The following ZEB1 variants were observed in gnomAD, a reference collection of about 807,000 sequenced individuals.
ZEB1 encodes the protein zinc finger E-box-binding homeobox 1.
Under a neutral mutation model 84.9 loss-of-function variants are expected in ZEB1, and 21 were observed. The ratio of observed to expected loss-of-function variants is 0.25; its 90% confidence interval spans 0.18 to 0.36. The LOEUF (loss-of-function observed/expected upper bound fraction) is 0.36, where lower values mean the gene tolerates loss of function less well. ZEB1 is among the 10% of genes least tolerant of loss of function. The pLI, the probability that ZEB1 is intolerant of heterozygous loss-of-function variation, is 1.00. For synonymous variants in ZEB1, 420 were observed against 471.1 expected (o/e 0.89, Z 1.41); for missense variants, 1,104 against 1,330.2 (o/e 0.83, Z 2.65).
At chr10:31,382,006 C>CAAAAAAAAAAAAAA (rs535534850) in intron 1 of ZEB1, among the ~76,000 whole-genome samples, 2 of 40,786 alleles carry the variant, frequency 4.9e-5, no homozygotes, top group African/African-American at 9.0e-5. Flanking sequence ...GAGACTGTCT[C>CAAAAAAAAAAAAAA]AAAAAAAAAA....
At chr10:31,420,133 A>G (rs755298575) in intron 1 of ZEB1, among the ~76,000 whole-genome samples, 2 of 152,160 alleles carry the variant, frequency 1.3e-5, no homozygotes, top group Non-Finnish European at 2.9e-5. Context: ...CCAGGACCGG[A>G]CAACCTAAAA....
At chr10:31,385,970 A>G (rs1016678914) in intron 1 of ZEB1, among the ~76,000 whole-genome samples, 6 of 152,290 alleles carry the variant, frequency 3.9e-5, no homozygotes, top group African/African-American at 1.2e-4. Context: ...TAGTCAGACA[A>G]AATGTACATA....
chr10:31,318,947 C>T (rs757421626), upstream of ZEB1: 2 of 495,898 alleles, frequency 4.0e-6, no homozygotes, highest in Non-Finnish European at 7.4e-6. Context: ...CTACGGTTTC[C>T]CGGCATCCGC....
At chr10:31,365,340 A>G (rs2134254205) in intron 1 of ZEB1, among the ~76,000 whole-genome samples, 1 of 152,292 alleles carries the variant, frequency 6.6e-6, no homozygotes, top group Admixed American at 6.5e-5. Flanking sequence ...CAAGAGAGGG[A>G]CATACTCTTG....
At chr10:31,362,613 G>A (rs960639810) in intron 1 of ZEB1, among the ~76,000 whole-genome samples, 17 of 151,720 alleles carry the variant, frequency 1.1e-4, no homozygotes, top group African/African-American at 2.4e-4. Context: ...GGCGGGGGCC[G>A]GGCAGAGGCG....
chr10:31,444,420 A>C (rs960694498), intron 1 of ZEB1, among the ~76,000 whole-genome samples: 1 of 151,904 alleles, frequency 6.6e-6, no homozygotes, highest in African/African-American at 2.4e-5. Context: ...TAGTTTAATG[A>C]GATCCCATTT....
intron 1 of ZEB1, among the ~76,000 whole-genome samples, chr10:31,450,302 C>T (rs1458000181): frequency 6.6e-6 from 1 of 152,102 alleles, no homozygotes; most frequent in Non-Finnish European, 1.5e-5. Flanking sequence ...CTTTTTCCTT[C>T]ATGTGTTTCA....
intron 2 of ZEB1, among the ~76,000 whole-genome samples, chr10:31,470,927 G>T (rs1225382649): frequency 7.3e-6 from 1 of 137,186 alleles, no homozygotes; most frequent in African/African-American, 2.8e-5. Flanking sequence ...TTAAAGAAAA[G>T]AATTTTCAAC....
intron 1 of ZEB1, among the ~76,000 whole-genome samples, chr10:31,409,199 C>T (rs1053764180): frequency 1.3e-5 from 2 of 152,068 alleles, no homozygotes; most frequent in African/African-American, 4.8e-5. Context: ...CAATGAGATA[C>T]CATTTCACAC....
At chr10:31,507,245 C>G (rs770284415) in intron 4 of ZEB1, among the ~76,000 whole-genome samples, 15 of 152,042 alleles carry the variant, frequency 9.9e-5, no homozygotes, top group Non-Finnish European at 1.8e-4. Flanking sequence ...GGACACTTTT[C>G]TCGTGTTGTT....
intron 1 of ZEB1, among the ~76,000 whole-genome samples, chr10:31,330,062 A>G (rs1199277599): frequency 1.3e-5 from 2 of 152,090 alleles, no homozygotes; most frequent in Non-Finnish European, 2.9e-5. Context: ...TTTAATTCAT[A>G]ATTTTATTCA....
intron 1 of ZEB1, among the ~76,000 whole-genome samples, chr10:31,337,043 CAAA>C (rs922906916): frequency 2.0e-5 from 3 of 151,292 alleles, no homozygotes; most frequent in Admixed American, 2.0e-4. Context: ...AATAACAAAA[CAAA>C]AAAATAAATA....
chr10:31,454,553 T>A (rs1274079893), intron 1 of ZEB1, among the ~76,000 whole-genome samples: 1 of 152,280 alleles, frequency 6.6e-6, no homozygotes, highest in South Asian at 2.1e-4. Flanking sequence ...CTTAAGCTGA[T>A]AAACAACTTC....
At chr10:31,509,113 A>G (rs1468606251) in intron 4 of ZEB1, among the ~76,000 whole-genome samples, 1 of 152,154 alleles carries the variant, frequency 6.6e-6, no homozygotes, top group Non-Finnish European at 1.5e-5. Context: ...GAGGTATGTC[A>G]GTGGGGCTCA....
chr10:31,369,221 G>A (rs1485363686), intron 1 of ZEB1, among the ~76,000 whole-genome samples: 1 of 151,992 alleles, frequency 6.6e-6, no homozygotes, highest in African/African-American at 2.4e-5. Flanking sequence ...TTCATATTGA[G>A]ACATTTGAAA....
At chr10:31,361,144 T>G in intron 1 of ZEB1, 1 of 1,602,430 alleles carries the variant, frequency 6.2e-7, no homozygotes, top group Non-Finnish European at 8.5e-7. Flanking sequence ...GATTGAAGAG[T>G]GGCAACCAGA....
intron 1 of ZEB1, among the ~76,000 whole-genome samples, chr10:31,411,735 T>G (rs1206408554): frequency 6.6e-6 from 1 of 150,624 alleles, no homozygotes; most frequent in African/African-American, 2.4e-5. Flanking sequence ...AGAACTAAAA[T>G]CGACACCCTA....
Position 31,349,285 on chromosome 10 carries a change from T to C in ZEB1, c.58+29993T>C, listed in dbSNP as rs889166728. ...TTGAAGGAAGAATAGTATTCTGTTG[T>C]GTGCGTATACTACATTCTCTCTATC... is the stretch of plus-strand genomic sequence containing the variant. On this transcript the variant is annotated intron_variant, in intron 1 of 8. Coordinates refer to ENST00000424869, the MANE Select transcript of ZEB1 (RefSeq NM_001174096.2). Among the ~76,000 whole-genome samples, 6 of 152,354 alleles carry C rather than the reference T, an allele frequency of 3.9e-5. No homozygotes were observed. In the East Asian group the frequency reaches 9.6e-4, roughly 24 times the overall value.
At chr10:31,346,331 C>G (rs1490555579) in intron 1 of ZEB1, among the ~76,000 whole-genome samples, 1 of 152,038 alleles carries the variant, frequency 6.6e-6, no homozygotes, top group Non-Finnish European at 1.5e-5. Flanking sequence ...TTTCAGAATT[C>G]TAGTTACAGA....
Sources: gnomAD v4.1 joint callset for allele counts (sites outside exome capture counted in the v4.1 genomes callset) on GRCh38, gnomAD v4.1.1 for gene constraint, MANE v1.5 for transcripts, NCBI Gene and HGNC (gene_info 2026-07-23, HGNC 2026-07-21) for gene names.